Variants in CASP9 observed in about 807,000 individuals in gnomAD.
CASP9 encodes caspase 9.
CASP9 carries 29 observed loss-of-function variants against 43.5 expected under a neutral mutation model. The ratio of observed to expected loss-of-function variants is 0.67; its 90% confidence interval spans 0.50 to 0.91. CASP9 has a LOEUF of 0.91. Ranked by LOEUF, CASP9 falls within the 40% of genes least tolerant of loss-of-function variation. The pLI is 0.00. For missense variants in CASP9, 575 were observed against 537.4 expected, an observed-to-expected ratio of 1.07 and a Z score of -0.69; for synonymous variants, 206 against 211.9, an observed-to-expected ratio of 0.97 and a Z score of 0.24.
In CASP9 at chr1:15,492,768, C is replaced by T. The variant is rs1708937901; in HGVS notation, c.*175G>A. On this transcript the variant is annotated 3_prime_UTR_variant, in exon 9 of 9. Coordinates refer to ENST00000333868, the MANE Select transcript of CASP9 (RefSeq NM_001229.5). ...GTCCCTCTTCCTCCACTGTTCAGCA[C>T]TTGTCGTCAATCTGGAAGCTGCTAA... 2 of 860,768 alleles carry T rather than the reference C, an allele frequency of 2.3e-6. No homozygotes were observed. Among genetic ancestry groups the T allele is most frequent in the East Asian group, 2.5e-5 (1 of 39,798 alleles). 53.3% of individuals were successfully genotyped at this position (860,768 alleles called of 1,614,324 possible). A position where few individuals can be genotyped will look rare whatever the true frequency, so the allele number is the denominator to read the frequency against.
chr1:15,493,535 C>A, intron 8 of CASP9: 1 of 1,391,796 alleles, frequency 7.2e-7, no homozygotes, highest in South Asian at 1.7e-5. Context: ...TAGAAGACTA[C>A]ATGATGCCCA....
intron 2 of CASP9, among the ~76,000 whole-genome samples, chr1:15,509,851 T>C (rs1436511520): frequency 6.6e-6 from 1 of 152,164 alleles, no homozygotes; most frequent in Non-Finnish European, 1.5e-5. Flanking sequence ...ATAAAGATGA[T>C]TATTTTCCAT....
At chr1:15,499,066 A>G (rs998677569) in intron 6 of CASP9, among the ~76,000 whole-genome samples, 2 of 152,202 alleles carry the variant, frequency 1.3e-5, no homozygotes, top group African/African-American at 4.8e-5. Context: ...GCGGCTGGAA[A>G]GCGTAAAAAA....
chr1:15,493,476 T>C, intron 8 of CASP9: 1 of 1,283,434 alleles, frequency 7.8e-7, no homozygotes, highest in Admixed American at 3.6e-5. Context: ...TGGGGCCTCC[T>C]GAGAAGGCGA....
At chr1:15,504,112 G>A (rs541191562) in intron 6 of CASP9, among the ~76,000 whole-genome samples, 2 of 152,296 alleles carry the variant, frequency 1.3e-5, no homozygotes, top group South Asian at 4.1e-4. Context: ...CTCCCAAAGT[G>A]TTGGGCATGA....
chr1:15,524,000 G>A (rs1710325944), intron 1 of CASP9, 69 bp downstream of exon 1: 9 of 1,204,794 alleles, frequency 7.5e-6, no homozygotes, highest in South Asian at 1.4e-5. Context: ...CTAGGCTCCC[G>A]CACAACGCCT....
chr1:15,524,347 C>T, upstream of CASP9: 2 of 1,414,106 alleles, frequency 1.4e-6, no homozygotes, highest in Non-Finnish European at 1.8e-6. Flanking sequence ...CGCCTCCGGA[C>T]GCATCTCCAA....
chr1:15,508,045 T>C lies in CASP9; in HGVS notation c.419-138A>G, dbSNP rs34645131. ...AGACTCTGCTGGTGGGAGAGCCACC[T>C]TGGAGATCTGTTTAGAGGTTTCTAA... On this transcript the variant is annotated intron_variant, in intron 2 of 8. Transcript: ENST00000333868. 2.7e-3 allele frequency: 2,131 copies of C among 782,580 alleles called. 12 individuals carry two copies. The highest frequency in any genetic ancestry group is 9.8e-3 in the Middle Eastern group (41 of 4,200). 48.5% of individuals were successfully genotyped at this position (782,580 alleles called of 1,614,324 possible).
intron 5 of CASP9, among the ~76,000 whole-genome samples, chr1:15,505,202 G>A (rs948552820): frequency 6.6e-6 from 1 of 152,128 alleles, no homozygotes; most frequent in African/African-American, 2.4e-5. Context: ...AGACCTCAAG[G>A]GCATGGAAAT....
chr1:15,507,205 A>G, intron 3 of CASP9, 130 bp from the exon 4 acceptor site: 1 of 986,724 alleles, frequency 1.0e-6, no homozygotes, highest in Non-Finnish European at 1.5e-6. Flanking sequence ...CCGGCATTCC[A>G]GGGCAAAAGA....
At position 15,524,059 on chromosome 1, in the gene CASP9, G is replaced by GGGGGCGT; in HGVS notation, c.132+9_132+10insACGCCCC. 1 of 1,366,692 alleles carries GGGGGCGT rather than the reference G, an allele frequency of 7.3e-7. No individual in the cohort carries two copies. The allele number at this position is 1,366,692 out of a possible 1,614,324, so 84.7% of individuals were successfully genotyped here. On this transcript the variant is annotated intron_variant, in intron 1 of 8. Transcript: ENST00000333868. The stretch of plus-strand genomic sequence containing the variant: ...CCGTGCAGCGCGGGGACAGGGGGCC[G>GGGGGCGT]GGGGCGCACCTGGATGTCCTCGATC...
chr1:15,496,508 G>A (rs1270421233), intron 6 of CASP9, among the ~76,000 whole-genome samples: 2 of 152,150 alleles, frequency 1.3e-5, no homozygotes, highest in Non-Finnish European at 2.9e-5. Flanking sequence ...TTTATATGCA[G>A]AAAACCCTAA....
intron 2 of CASP9, among the ~76,000 whole-genome samples, chr1:15,512,601 C>T (rs901558516): frequency 6.6e-5 from 10 of 152,232 alleles, no homozygotes; most frequent in Non-Finnish European, 8.8e-5. Flanking sequence ...GATGGCAGAT[C>T]TTGGAACTTC....
intron 1 of CASP9, among the ~76,000 whole-genome samples, chr1:15,520,157 T>C: frequency 6.6e-6 from 1 of 152,176 alleles, no homozygotes; most frequent in East Asian, 1.9e-4. Flanking sequence ...TCAACTATCC[T>C]ACAGCAGCAC....
At chr1:15,511,494 C>G (rs961433713) in intron 2 of CASP9, among the ~76,000 whole-genome samples, 3 of 151,988 alleles carry the variant, frequency 2.0e-5, no homozygotes, top group African/African-American at 7.3e-5. Context: ...ACCTCTGTCT[C>G]CCAGGTTCAA....
At chr1:15,495,652 A>G (rs1709081127) in intron 6 of CASP9, among the ~76,000 whole-genome samples, 200 bp from the exon 7 acceptor site, 2 of 152,334 alleles carry the variant, frequency 1.3e-5, no homozygotes, top group South Asian at 4.1e-4. Flanking sequence ...TTGGTTCCTA[A>G]ATAAGATGGC....
Position 15,518,136 on chromosome 1 carries a change from A to G in CASP9, c.392T>C (p.Ile131Thr), listed in dbSNP as rs770454247. The G allele has an allele frequency of 9.9e-6, 16 of 1,614,140 alleles. No individual in the cohort carries two copies. Among genetic ancestry groups the G allele is most frequent in the East Asian group, 6.7e-5 (3 of 44,884 alleles). ...GACATCACCAAATCCTCCAGAACCA[A>G]TGTCCACTGGTCTGGGTGTTTCCGG... ...LRPETPRPVD[I>T]GSGGFGDVGA... The change falls in exon 2 of 9, where the codon ATT (isoleucine) becomes ACT (threonine). Residue 131 changes from isoleucine to threonine, a missense_variant. Physicochemically the swap from Ile to Thr is moderately conservative, Grantham distance 89. Transcript: ENST00000333868.
chr1:15,518,797 G>T (rs926965468), intron 1 of CASP9, among the ~76,000 whole-genome samples: 1 of 152,210 alleles, frequency 6.6e-6, no homozygotes, highest in Admixed American at 6.5e-5. Context: ...AAGGGACAAG[G>T]CCTTTGTGTG....
Position 15,494,018 on chromosome 1 carries a change from G to T in CASP9, c.1049-17C>A, listed in dbSNP as rs775724840. On this transcript the variant is annotated splice_polypyrimidine_tract_variant and intron_variant, in intron 7 of 8. Transcript: ENST00000333868. Reference sequence around the variant, plus strand: ...AAACAAAACCTTTGGAGGGAGGAGGGCTGAACACTGCTGGAGAGCCACCCC... The same window carrying T: ...AAACAAAACCTTTGGAGGGAGGAGGTCTGAACACTGCTGGAGAGCCACCCC... The T allele has an allele frequency of 6.4e-6, 10 of 1,559,740 alleles. No individual in the cohort carries two copies. The East Asian group carries it at 2.1e-4, about 33-fold the overall frequency.
Sources: gnomAD v4.1 joint callset for allele counts (sites outside exome capture counted in the v4.1 genomes callset) on GRCh38, gnomAD v4.1.1 for gene constraint, MANE v1.5 for transcripts, NCBI Gene and HGNC (gene_info 2026-07-23, HGNC 2026-07-21) for gene names.